The following GLB1 variants were observed in gnomAD, a reference collection of about 807,000 sequenced individuals.
The protein encoded by GLB1 is galactosidase beta 1.
Under a neutral mutation model 74.0 loss-of-function variants are expected in GLB1, and 56 were observed. That is an observed-to-expected ratio of 0.76 (90% confidence interval 0.61 to 0.94). The LOEUF is 0.94. GLB1 is among the 40% of genes least tolerant of loss of function. The pLI, the probability that GLB1 is intolerant of heterozygous loss-of-function variation, is 0.00. For synonymous variants in GLB1, 323 were observed against 323.6 expected (o/e 1.00, Z 0.02); for missense variants, 787 against 845.5 (o/e 0.93, Z 0.86).
In GLB1 at chr3:33,049,353, T is replaced by C. The variant is rs112260255; in HGVS notation, c.955+2405A>G. On this transcript the variant is annotated intron_variant, in intron 9 of 15. Coordinates refer to ENST00000307363, the MANE Select transcript of GLB1 (RefSeq NM_000404.4). ...GGATATATGTGCAGGACGTGTAGGT[T>C]TGTTACATAGGTAAACGTGTGCCAT... 3.6e-3 allele frequency among the ~76,000 whole-genome samples: 289 copies of C among 80,736 alleles called. 1 individual carries two copies. The highest frequency in any genetic ancestry group is 7.8e-3 in the African/African-American group (277 of 35,698). The allele number at this position is 80,736 out of a possible 152,430, so 53.0% of individuals were successfully genotyped here.
At chr3:33,045,420 A>G in intron 10 of GLB1, 2 of 985,398 alleles carry the variant, frequency 2.0e-6, no homozygotes, top group Non-Finnish European at 2.4e-6. Context: ...GGTTGAAGAA[A>G]TAGTGTCCAG....
At chr3:33,096,744 G>T in intron 1 of GLB1, 4 of 1,303,588 alleles carry the variant, frequency 3.1e-6, no homozygotes, top group Non-Finnish European at 3.9e-6. Flanking sequence ...CGTTACAGAT[G>T]GGGAAGTGGA....
intron 15 of GLB1, among the ~76,000 whole-genome samples, chr3:33,011,321 A>G (rs1697013212): frequency 1.3e-5 from 2 of 152,102 alleles, no homozygotes; most frequent in Non-Finnish European, 2.9e-5. Flanking sequence ...CAGTATTATA[A>G]TAACTATAAT....
intron 10 of GLB1, chr3:33,045,311 CATTT>C: frequency 1.1e-6 from 1 of 946,056 alleles, no homozygotes; most frequent in Non-Finnish European, 1.3e-6. Flanking sequence ...AGAAAACAAA[CATTT>C]ATTGAGTGCC....
intron 1 of GLB1, among the ~76,000 whole-genome samples, chr3:33,083,453 CAGAG>C (rs967021465): frequency 3.1e-4 from 46 of 148,180 alleles, no homozygotes; most frequent in African/African-American, 1.1e-3. Flanking sequence ...AAAAAGGAGA[CAGAG>C]AGAGAGAAAA....
At chr3:32,981,660 G>T in the GLB1 span, among the ~76,000 whole-genome samples, 5 of 151,774 alleles carry the variant, frequency 3.3e-5, no homozygotes, top group South Asian at 1.0e-3. Context: ...TGTAATCTCA[G>T]CTACTCGGGA....
intron 15 of GLB1, 98 bp downstream of exon 15, chr3:33,013,958 A>G: frequency 6.3e-7 from 1 of 1,594,900 alleles, no homozygotes; most frequent in Admixed American, 1.7e-5. Flanking sequence ...CAAAACCATC[A>G]CACGATATCT....
At chr3:33,091,958 A>T in intron 1 of GLB1, 1 of 984,732 alleles carries the variant, frequency 1.0e-6, no homozygotes, top group Non-Finnish European at 1.2e-6. Context: ...TTCTAGCCCC[A>T]AATCTCCTAC....
intron 13 of GLB1, 128 bp from the exon 14 acceptor site, chr3:33,016,968 C>A: frequency 1.4e-6 from 2 of 1,454,792 alleles, no homozygotes; most frequent in East Asian, 2.4e-5. Context: ...GAAAGAAATG[C>A]TTTGATAGCA....
intron 1 of GLB1, chr3:33,077,485 C>A: frequency 1.4e-6 from 1 of 714,700 alleles, no homozygotes; most frequent in South Asian, 1.6e-5. Flanking sequence ...CAGGGGGTGT[C>A]TACTAAAAAG....
intron 1 of GLB1, chr3:33,091,301 C>G: frequency 3.0e-6 from 3 of 985,286 alleles, no homozygotes; most frequent in Non-Finnish European, 3.6e-6. Context: ...GTCTCCAGAT[C>G]CCCCAGAACC....
intron 1 of GLB1, among the ~76,000 whole-genome samples, chr3:33,095,281 T>C (rs1700971985): frequency 6.6e-6 from 1 of 151,344 alleles, no homozygotes; most frequent in African/African-American, 2.4e-5. Flanking sequence ...TAGTTAAAAT[T>C]TGAGAACCGC....
chr3:32,971,031 G>A, the GLB1 span, among the ~76,000 whole-genome samples: 3 of 152,186 alleles, frequency 2.0e-5, no homozygotes, highest in African/African-American at 7.2e-5. Context: ...TGACACAAGA[G>A]AGGCTTAGCA....
chr3:33,036,637 A>T lies in GLB1; in HGVS notation c.1068+9483T>A, dbSNP rs541585581. ...AAACAACTGAAATGGTCATCACCAG[A>T]TGAACAAAATGAATAGGTAATTAAA... is the stretch of plus-strand genomic sequence containing the variant. On this transcript the variant is annotated intron_variant, in intron 10 of 15. Coordinates refer to ENST00000307363, the MANE Select transcript of GLB1 (RefSeq NM_000404.4). Among the ~76,000 whole-genome samples, 77 of 152,366 alleles carry T rather than the reference A, an allele frequency of 5.1e-4. 1 individual carries two copies. In the South Asian group the frequency reaches 9.3e-3, roughly 18 times the overall value.
At chr3:32,983,558 A>G in the GLB1 span, among the ~76,000 whole-genome samples, 29 of 152,304 alleles carry the variant, frequency 1.9e-4, no homozygotes, top group Admixed American at 4.6e-4. Context: ...AATATGTCTC[A>G]TAATTTCAAT....
intron 2 of GLB1, among the ~76,000 whole-genome samples, chr3:33,071,985 G>C (rs903133878): frequency 1.3e-5 from 2 of 152,182 alleles, no homozygotes; most frequent in African/African-American, 4.8e-5. Flanking sequence ...GAATCTAAGT[G>C]TAAAAAGTTT....
At chr3:32,995,537 T>C (rs1653997487), downstream of GLB1, among the ~76,000 whole-genome samples, 1 of 152,116 alleles carries the variant, frequency 6.6e-6, no homozygotes, top group African/African-American at 2.4e-5. Flanking sequence ...TCTATGCCAC[T>C]TGCAGCTGGC....
At chr3:33,032,085 ACT>A (rs1217997788) in intron 10 of GLB1, among the ~76,000 whole-genome samples, 2 of 152,142 alleles carry the variant, frequency 1.3e-5, no homozygotes, top group Non-Finnish European at 2.9e-5. Flanking sequence ...CACGTGAGCC[ACT>A]GAGCCTGGCA....
At chr3:32,988,758 C>T in the GLB1 span, among the ~76,000 whole-genome samples, 1 of 152,184 alleles carries the variant, frequency 6.6e-6, no homozygotes, top group Non-Finnish European at 1.5e-5. Flanking sequence ...ACAATATCTT[C>T]CTGTTATCAG....
Sources: gnomAD v4.1 joint callset for allele counts (sites outside exome capture counted in the v4.1 genomes callset) on GRCh38, gnomAD v4.1.1 for gene constraint, MANE v1.5 for transcripts, NCBI Gene and HGNC (gene_info 2026-07-23, HGNC 2026-07-21) for gene names.